The following PXDNL variants were observed in gnomAD, a reference collection of about 807,000 sequenced individuals.
The protein encoded by PXDNL is probable oxidoreductase PXDNL.
Under a neutral mutation model 150.8 loss-of-function variants are expected in PXDNL, and 145 were observed. The ratio of observed to expected loss-of-function variants is 0.96; its 90% CI spans 0.84 to 1.10. PXDNL has a LOEUF of 1.10. Ranked by LOEUF, PXDNL falls within the 50% of genes least tolerant of loss-of-function variation. The probability of loss-of-function intolerance (pLI) is 0.00; values close to 1 mark genes in which losing one functional copy is unlikely to be tolerated. For missense variants in PXDNL, 2,087 were observed against 1,873.9 expected (o/e 1.11, Z -2.10); for synonymous variants, 757 against 725.7 (o/e 1.04, Z -0.69).
rs1387138387 is a variant in PXDNL at position 51,578,049 on chromosome 8, G to GGAAA, written c.308+14574_308+14577dup. On this transcript the variant is annotated intron_variant, in intron 3 of 22. Transcript: ENST00000356297. ...AGGAAGGAAGGAAGGAAGGAAGGAA[G>GGAAA]GAAAGAAAGAAAGGAAAGAAAGAAA... Among the ~76,000 whole-genome samples the GGAAA allele has an allele frequency of 2.4e-4, 21 of 86,752 alleles. 2 individuals carry two copies. The highest frequency in any genetic ancestry group is 1.2e-3 in the African/African-American group (21 of 18,102). The allele number at this position is 86,752 out of a possible 152,430, so 56.9% of individuals were successfully genotyped here.
At position 51,760,845 on chromosome 8, in the gene PXDNL, C is replaced by CTTTTTTTTTTTTTTTTTTTTTTTTT. The variant is rs71237237; in HGVS notation, c.164+48311_164+48335dup. On this transcript the variant is annotated intron_variant, in intron 1 of 22. Transcript: ENST00000356297. ...GTTAGCCTGAAGGAAATCACTTAAA[C>CTTTTTTTTTTTTTTTTTTTTTTTTT]TTTTTTTTTTTTTTTTTTTTTTTTT... Among the ~76,000 whole-genome samples, 9 of 45,492 alleles carry CTTTTTTTTTTTTTTTTTTTTTTTTT rather than the reference C, an allele frequency of 2.0e-4. 4 individuals are homozygous for CTTTTTTTTTTTTTTTTTTTTTTTTT. Among genetic ancestry groups the CTTTTTTTTTTTTTTTTTTTTTTTTT allele is most frequent in the Admixed American group, 1.1e-3 (3 of 2,738 alleles). The allele number at this position is 45,492 out of a possible 152,430, so 29.8% of individuals were successfully genotyped here.
At chr8:51,584,363 A>G (rs1422142271) in intron 3 of PXDNL, among the ~76,000 whole-genome samples, 4 of 151,700 alleles carry the variant, frequency 2.6e-5, no homozygotes, top group Non-Finnish European at 4.4e-5. Context: ...ACTGCTCTTC[A>G]CTCCCACCCC....
intron 3 of PXDNL, among the ~76,000 whole-genome samples, chr8:51,575,795 T>G (rs1210500356): frequency 6.6e-6 from 1 of 151,820 alleles, no homozygotes; most frequent in East Asian, 1.9e-4. Flanking sequence ...TGAGTTCAAG[T>G]AAAATGATAT....
chr8:51,470,439 T>C (rs1033154443), intron 8 of PXDNL, among the ~76,000 whole-genome samples: 1 of 151,822 alleles, frequency 6.6e-6, no homozygotes, highest in Admixed American at 6.6e-5. Flanking sequence ...AAAATCAGAG[T>C]TGATTATACA....
intron 4 of PXDNL, among the ~76,000 whole-genome samples, chr8:51,500,136 T>C (rs1376310897): frequency 6.6e-6 from 1 of 152,206 alleles, no homozygotes; most frequent in African/African-American, 2.4e-5. Flanking sequence ...CATAATAAGA[T>C]ACATTACAAG....
At chr8:51,519,269 C>T (rs117422317) in intron 4 of PXDNL, among the ~76,000 whole-genome samples, 2,062 of 152,166 alleles carry the variant, frequency 0.014, 36 homozygotes, top group African/African-American at 0.045. Flanking sequence ...AGGCCGGGTG[C>T]GGTGGCTCAC....
At chr8:51,786,261 T>G (rs989863147) in intron 1 of PXDNL, among the ~76,000 whole-genome samples, 1 of 151,884 alleles carries the variant, frequency 6.6e-6, no homozygotes, top group Non-Finnish European at 1.5e-5. Flanking sequence ...CCGGCTGGAG[T>G]GCAGTAGCAC....
chr8:51,394,723 T>C (rs1440067563), intron 17 of PXDNL, among the ~76,000 whole-genome samples: 2 of 152,160 alleles, frequency 1.3e-5, no homozygotes, highest in South Asian at 2.1e-4. Flanking sequence ...TAAAGTGGCA[T>C]CTTGACCTGA....
chr8:51,596,612 G>T (rs915414881), intron 2 of PXDNL, among the ~76,000 whole-genome samples: 1 of 151,330 alleles, frequency 6.6e-6, no homozygotes, highest in Non-Finnish European at 1.5e-5. Flanking sequence ...TATTATAGAG[G>T]TAGTATCTTA....
chr8:51,621,213 A>G (rs972104868), intron 2 of PXDNL, among the ~76,000 whole-genome samples: 2 of 152,178 alleles, frequency 1.3e-5, no homozygotes, highest in Non-Finnish European at 2.9e-5. Context: ...ATATCTACAC[A>G]TCATAAAATT....
At chr8:51,535,159 C>T (rs1359313789) in intron 4 of PXDNL, among the ~76,000 whole-genome samples, 7 of 134,998 alleles carry the variant, frequency 5.2e-5, no homozygotes, top group Admixed American at 4.2e-4. Context: ...TCTGCCCGGC[C>T]GCCCCTACTG....
intron 1 of PXDNL, among the ~76,000 whole-genome samples, chr8:51,748,546 G>C (rs1440057073): frequency 6.6e-6 from 1 of 152,194 alleles, no homozygotes; most frequent in Non-Finnish European, 1.5e-5. Flanking sequence ...CAGCATCACT[G>C]CCTGGGCCAA....
intron 1 of PXDNL, among the ~76,000 whole-genome samples, chr8:51,803,470 T>TA (rs1219721427): frequency 6.6e-6 from 1 of 152,100 alleles, no homozygotes; most frequent in Non-Finnish European, 1.5e-5. Context: ...TCCAACTTCT[T>TA]AGAGGTGGAA....
At chr8:51,382,491 G>A (rs16916151) in intron 17 of PXDNL, among the ~76,000 whole-genome samples, 5,208 of 152,186 alleles carry the variant, frequency 0.034, 114 homozygotes, top group South Asian at 0.08. Context: ...TTTTAAAACA[G>A]TTTGCCTGCC....
intron 1 of PXDNL, among the ~76,000 whole-genome samples, chr8:51,772,656 C>A (rs1170135813): frequency 6.6e-6 from 1 of 152,094 alleles, no homozygotes; most frequent in African/African-American, 2.4e-5. Flanking sequence ...GCTGGGGTGA[C>A]CCAGTGTCTC....
intron 5 of PXDNL, among the ~76,000 whole-genome samples, chr8:51,494,717 C>A (rs1263672813): frequency 6.6e-6 from 1 of 152,082 alleles, no homozygotes; most frequent in Admixed American, 6.6e-5. Flanking sequence ...ATCAATTCAA[C>A]AAGAAGAGCT....
chr8:51,325,385 A>C (rs1486348107), intron 21 of PXDNL, among the ~76,000 whole-genome samples: 1 of 152,160 alleles, frequency 6.6e-6, no homozygotes. Context: ...CATTACTGCC[A>C]TGTGGGAATA....
chr8:51,339,182 C>T (rs796860532), intron 21 of PXDNL, among the ~76,000 whole-genome samples: 3 of 152,214 alleles, frequency 2.0e-5, no homozygotes, highest in South Asian at 2.1e-4. Context: ...TACTCCCTGC[C>T]GGTGCAGTGA....
intron 4 of PXDNL, among the ~76,000 whole-genome samples, chr8:51,555,017 A>G (rs546766834): frequency 3.7e-4 from 57 of 152,268 alleles, no homozygotes; most frequent in African/African-American, 1.4e-3. Flanking sequence ...TCACAGTAAC[A>G]CCCTACTCTT....
Sources: gnomAD v4.1 joint callset for allele counts (sites outside exome capture counted in the v4.1 genomes callset) on GRCh38, gnomAD v4.1.1 for gene constraint, MANE v1.5 for transcripts, NCBI Gene and HGNC (gene_info 2026-07-23, HGNC 2026-07-21) for gene names.